USP48: variants seen among roughly 807,000 people sequenced by gnomAD.
The protein encoded by USP48 is ubiquitin specific peptidase 48.
In USP48, 43 loss-of-function variants were observed where a neutral mutation model predicts 150.7. The observed-to-expected ratio is 0.29, with a 90% CI of 0.22 to 0.37. The LOEUF is 0.37. Among genes scored for constraint, USP48 ranks in the 10% least tolerant of loss-of-function variants. The pLI, the probability that USP48 is intolerant of heterozygous loss-of-function variation, is 1.00. For synonymous variants in USP48, 396 were observed against 425.9 expected (o/e 0.93, Z 0.86); for missense variants, 813 against 1,249.6 (o/e 0.65, Z 5.27).
chr1:21,709,685 G>A (rs1158966887), intron 15 of USP48, among the ~76,000 whole-genome samples: 2 of 152,074 alleles, frequency 1.3e-5, no homozygotes, highest in Admixed American at 1.3e-4. Context: ...TATTAAATGA[G>A]CAGAGGAGAC....
chr1:21,690,068 T>G lies in USP48; in HGVS notation c.2915A>C (p.Asp972Ala). Reference sequence around the variant, plus strand: ...CTTTCCATCAATTGACAAATTCTGGTCAAAAGGAGCAACTGAAAATGCATG... The same window carrying G: ...CTTTCCATCAATTGACAAATTCTGGGCAAAAGGAGCAACTGAAAATGCATG... ...IMHAFSVAPFDQNLSIDGKIL... is the reference protein window; with the variant it reads ...IMHAFSVAPFAQNLSIDGKIL... The change falls in exon 24 of 27, where the codon GAC becomes GCC. Residue 972 changes from aspartate (D) to alanine (A), a missense_variant. By Grantham distance (126) the Asp-to-Ala change is moderately radical (BLOSUM62 -2). Coordinates refer to ENST00000308271, the MANE Select transcript of USP48 (RefSeq NM_032236.8). 1 of 1,613,586 alleles carries G rather than the reference T, an allele frequency of 6.2e-7. No individual in the cohort carries two copies.
chr1:21,756,754 C>A, intron 2 of USP48, 52 bp from the exon 3 acceptor site: 1 of 1,598,160 alleles, frequency 6.3e-7, no homozygotes, highest in East Asian at 2.3e-5. Context: ...TTTAAACAAC[C>A]AATTTCTAAG....
At position 21,684,181 on chromosome 1, in the gene USP48, T is replaced by C. The variant is rs371668069; in HGVS notation, c.3058+3010A>G. Among the ~76,000 whole-genome samples, 4 of 152,242 alleles carry C rather than the reference T, an allele frequency of 2.6e-5. No homozygotes were observed. The East Asian group carries it at 5.8e-4, about 22-fold the overall frequency. ...GGATTGCTGGATCATATGGTAGTTA[T>C]ATTTTTAGTTTTCTGAGAAACTTCC... On this transcript the variant is annotated intron_variant, in intron 25 of 26. Transcript: ENST00000308271.
At chr1:21,679,837 G>T (rs1246168643) in intron 26 of USP48, among the ~76,000 whole-genome samples, 2 of 152,148 alleles carry the variant, frequency 1.3e-5, no homozygotes, top group Non-Finnish European at 2.9e-5. Flanking sequence ...GAGATTACAG[G>T]CGCACGCCAC....
chr1:21,716,234 A>G (rs978021454), intron 14 of USP48, among the ~76,000 whole-genome samples: 4 of 152,130 alleles, frequency 2.6e-5, no homozygotes, highest in Admixed American at 2.6e-4. Flanking sequence ...TCTTTTTGAC[A>G]TACCTGAATT....
chr1:21,758,539 G>A (rs12730503), intron 1 of USP48, among the ~76,000 whole-genome samples: 6,348 of 152,136 alleles, frequency 0.042, 204 homozygotes, highest in Non-Finnish European at 0.056. Flanking sequence ...TGAGGCAGGC[G>A]GATAACAAGG....
chr1:21,704,953 A>AAGGG (rs1387109861), intron 19 of USP48, among the ~76,000 whole-genome samples: 1 of 152,098 alleles, frequency 6.6e-6, no homozygotes, highest in Non-Finnish European at 1.5e-5. Context: ...GACAGGAAGA[A>AAGGG]AGGGAGGGAG....
At chr1:21,690,742 T>A (rs534980542) in intron 23 of USP48, among the ~76,000 whole-genome samples, 1 of 152,258 alleles carries the variant, frequency 6.6e-6, no homozygotes, top group East Asian at 1.9e-4. Flanking sequence ...TTGCCCAGGC[T>A]GGTCTCGAAT....
intron 25 of USP48, chr1:21,686,699 G>A (rs2097581063): frequency 6.3e-6 from 1 of 158,232 alleles, no homozygotes; most frequent in African/African-American, 2.4e-5. Context: ...CACCTTTCTA[G>A]TTTAATTTTT....
intron 14 of USP48, 69 bp downstream of exon 14, chr1:21,720,967 C>T (rs180676470): frequency 1.3e-5 from 21 of 1,577,538 alleles, no homozygotes; most frequent in African/African-American, 8.1e-5. Context: ...AATGAGCCAC[C>T]GTGCCTGGCC....
At chr1:21,691,873 C>G (rs2097602206) in intron 23 of USP48, among the ~76,000 whole-genome samples, 1 of 152,016 alleles carries the variant, frequency 6.6e-6, no homozygotes, top group Non-Finnish European at 1.5e-5. Context: ...TTTAACTTAC[C>G]CATAAAATGC....
intron 1 of USP48, among the ~76,000 whole-genome samples, chr1:21,781,634 C>T (rs920632936): frequency 1.5e-4 from 23 of 151,444 alleles, no homozygotes; most frequent in African/African-American, 5.6e-4. Flanking sequence ...CTCCGGAGGC[C>T]GAGGTGGGAG....
intron 1 of USP48, among the ~76,000 whole-genome samples, chr1:21,765,373 T>C (rs1381508419): frequency 6.6e-6 from 1 of 152,166 alleles, no homozygotes; most frequent in Non-Finnish European, 1.5e-5. Context: ...CCCAGCATTT[T>C]GGGAGGTCGA....
Position 21,748,714 on chromosome 1 carries a change from C to T in USP48, c.775-443G>A, listed in dbSNP as rs145994691. ...TCACTTGAGGCCAGGAATTCGAGAC[C>T]GGCCTGGCTGCCCAGGTGAAACCCC... On this transcript the variant is annotated intron_variant, in intron 6 of 26. Coordinates refer to ENST00000308271, the MANE Select transcript of USP48 (RefSeq NM_032236.8). Among the ~76,000 whole-genome samples the T allele has an allele frequency of 7.9e-5, 12 of 152,328 alleles. No homozygotes were observed. The East Asian group carries it at 1.5e-3, about 20-fold the overall frequency.
intron 1 of USP48, among the ~76,000 whole-genome samples, chr1:21,763,163 G>T (rs890860707): frequency 1.3e-5 from 2 of 152,158 alleles, no homozygotes; most frequent in Non-Finnish European, 2.9e-5. Context: ...GAAGCTGGGA[G>T]CAATCTGTAT....
chr1:21,747,176 T>C, intron 7 of USP48, 27 bp from the exon 8 acceptor site: 7 of 1,527,280 alleles, frequency 4.6e-6, no homozygotes, highest in Non-Finnish European at 6.3e-6. Context: ...CTGATTATAT[T>C]TACATTTAAA....
chr1:21,767,882 G>C (rs1249433096), intron 1 of USP48, among the ~76,000 whole-genome samples: 1 of 152,022 alleles, frequency 6.6e-6, no homozygotes, highest in African/African-American at 2.4e-5. Flanking sequence ...CTGTATCAAG[G>C]TCTCATAAAT....
chr1:21,697,662 CAAA>C (rs372121302), intron 22 of USP48, among the ~76,000 whole-genome samples: 6 of 68,398 alleles, frequency 8.8e-5, no homozygotes, highest in Non-Finnish European at 8.7e-5. Context: ...GACTCCATCT[CAAA>C]AAAAAAAAAA....
intron 25 of USP48, among the ~76,000 whole-genome samples, chr1:21,681,662 A>T (rs570758216): frequency 6.6e-6 from 1 of 152,248 alleles, no homozygotes; most frequent in East Asian, 1.9e-4. Context: ...CATCCTCCTG[A>T]TGAAGTGGTG....
Sources: allele counts gnomAD v4.1 joint callset (sites outside exome capture counted in the v4.1 genomes callset), GRCh38; gene constraint gnomAD v4.1.1; transcripts MANE v1.5; gene names NCBI Gene and HGNC (gene_info 2026-07-23, HGNC 2026-07-21).